TESK2: variants seen among roughly 807,000 people sequenced by gnomAD.
The protein encoded by TESK2 is dual specificity testis-specific protein kinase 2.
In TESK2, 39 loss-of-function variants were observed where a neutral mutation model predicts 57.1. The ratio of observed to expected loss-of-function variants is 0.68; its 90% CI spans 0.53 to 0.89. The LOEUF is 0.89. TESK2 is among the 40% of genes least tolerant of loss of function. The pLI, the probability that TESK2 is intolerant of heterozygous loss-of-function variation, is 0.00. For missense variants in TESK2, 646 were observed against 732.1 expected, an observed-to-expected ratio of 0.88 and a Z score of 1.36; for synonymous variants, 249 against 267.9, an observed-to-expected ratio of 0.93 and a Z score of 0.69.
At chr1:45,478,478 T>C (rs1366233140) in intron 1 of TESK2, among the ~76,000 whole-genome samples, 1 of 152,188 alleles carries the variant, frequency 6.6e-6, no homozygotes, top group Admixed American at 6.5e-5. Context: ...AGTATAATAC[T>C]ACAATATTGA....
chr1:45,357,129 G>A (rs1647459111), intron 4 of TESK2, among the ~76,000 whole-genome samples: 1 of 152,026 alleles, frequency 6.6e-6, no homozygotes. Flanking sequence ...CCGGGAGGCA[G>A]AGGTAGTAGT....
chr1:45,357,113 T>C (rs1054406642), intron 4 of TESK2, among the ~76,000 whole-genome samples: 3 of 151,698 alleles, frequency 2.0e-5, no homozygotes, highest in African/African-American at 7.3e-5. Flanking sequence ...GGAGAATCAC[T>C]TGAACCCGGG....
chr1:45,405,014 A>T (rs1255421657), intron 3 of TESK2, among the ~76,000 whole-genome samples: 2 of 152,174 alleles, frequency 1.3e-5, no homozygotes, highest in Non-Finnish European at 2.9e-5. Flanking sequence ...AATAATAAAA[A>T]ATAGTGACAG....
intron 5 of TESK2, among the ~76,000 whole-genome samples, chr1:45,350,810 T>C (rs1647220028): frequency 6.6e-6 from 1 of 152,228 alleles, no homozygotes; most frequent in African/African-American, 2.4e-5. Flanking sequence ...TGCCCTCTAA[T>C]AGCACAGCAT....
At chr1:45,402,125 C>A (rs1649649315) in intron 3 of TESK2, among the ~76,000 whole-genome samples, 1 of 150,268 alleles carries the variant, frequency 6.7e-6, no homozygotes, top group Non-Finnish European at 1.5e-5. Context: ...CACAGTGACT[C>A]ACACCTGTAA....
At position 45,415,183 on chromosome 1, in the gene TESK2, A is replaced by G. The variant is rs911190901; in HGVS notation, c.344+6542T>C. On this transcript the variant is annotated intron_variant, in intron 3 of 10. Coordinates refer to ENST00000372086, the MANE Select transcript of TESK2 (RefSeq NM_007170.3). Reference sequence around the variant, plus strand: ...TTTGGTTATAAGGGTTCCTGCTTTCACAGAATTATTCCAGGGTTTATGTGT... The same window carrying G: ...TTTGGTTATAAGGGTTCCTGCTTTCGCAGAATTATTCCAGGGTTTATGTGT... The G allele has an allele frequency of 3.9e-6, 6 of 1,519,622 alleles. No individual in the cohort carries two copies. In the African/African-American group the frequency reaches 8.2e-5, roughly 21 times the overall value. 94.1% of individuals were successfully genotyped at this position (1,519,622 alleles called of 1,614,324 possible). A position where few individuals can be genotyped will look rare whatever the true frequency, so the allele number is the denominator to read the frequency against.
chr1:45,354,851 T>TATA (rs2149265010), intron 5 of TESK2, among the ~76,000 whole-genome samples: 1 of 116,132 alleles, frequency 8.6e-6, no homozygotes, highest in African/African-American at 3.3e-5. Flanking sequence ...TATATATATG[T>TATA]TGGCTCACTC....
At chr1:45,378,945 TG>T (rs1648541225) in intron 4 of TESK2, among the ~76,000 whole-genome samples, 1 of 152,222 alleles carries the variant, frequency 6.6e-6, no homozygotes, top group Non-Finnish European at 1.5e-5. Flanking sequence ...TACCATGTGG[TG>T]GTTAACAGCT....
chr1:45,455,912 G>T (rs1025895263), intron 2 of TESK2, among the ~76,000 whole-genome samples: 1 of 152,086 alleles, frequency 6.6e-6, no homozygotes, highest in African/African-American at 2.4e-5. Flanking sequence ...AACAATAGGG[G>T]CTGGGTGTGG....
In TESK2 at chr1:45,440,727, A is replaced by C. The variant is rs551290971; in HGVS notation, c.222+16837T>G. 5.3e-5 allele frequency among the ~76,000 whole-genome samples: 8 copies of C among 151,550 alleles called. No homozygotes were observed. The South Asian group carries it at 1.5e-3, about 28-fold the overall frequency. On this transcript the variant is annotated intron_variant, in intron 2 of 10. Transcript: ENST00000372086. ...CAAGACTCGGTCTCAAAAAAAAAAA[A>C]CAAACAAACAAACAAACAAAATATA...
At chr1:45,402,459 C>A in intron 3 of TESK2, among the ~76,000 whole-genome samples, 1 of 149,448 alleles carries the variant, frequency 6.7e-6, no homozygotes, top group Admixed American at 6.7e-5. Flanking sequence ...ATTGATGAAA[C>A]CTAAATAAAT....
chr1:45,471,799 T>C (rs1176678328), intron 1 of TESK2, among the ~76,000 whole-genome samples: 2 of 151,978 alleles, frequency 1.3e-5, no homozygotes, highest in African/African-American at 4.8e-5. Context: ...ACCATTTTTT[T>C]AGAGATGGGG....
At position 45,486,948 on chromosome 1, in the gene TESK2, A is replaced by G. The variant is rs368235842; in HGVS notation, c.-87+3904T>C. Among the ~76,000 whole-genome samples the G allele has an allele frequency of 5.6e-4, 85 of 150,734 alleles. No individual in the cohort carries two copies. The East Asian group carries it at 0.013, about 24-fold the overall frequency. On this transcript the variant is annotated intron_variant, in intron 1 of 10. Transcript: ENST00000372086. ...AGCGATTCTCCTGCCTCAGCCTCCC[A>G]AGTAGCTGGGATTACATGCATGCAC...
chr1:45,421,591 T>C, intron 3 of TESK2, 134 bp downstream of exon 3: 8 of 1,255,352 alleles, frequency 6.4e-6, no homozygotes, highest in Non-Finnish European at 8.8e-6. Flanking sequence ...CGACCTAGAG[T>C]ACCACTAAAC....
At chr1:45,362,272 AG>A (rs1200670272) in intron 4 of TESK2, among the ~76,000 whole-genome samples, 10 of 152,356 alleles carry the variant, frequency 6.6e-5, no homozygotes, top group Non-Finnish European at 1.3e-4. Context: ...TAAAGAGTAT[AG>A]GTTCTTCCCA....
chr1:45,465,980 TG>T (rs1418687475), intron 1 of TESK2, among the ~76,000 whole-genome samples: 1 of 152,168 alleles, frequency 6.6e-6, no homozygotes, highest in Non-Finnish European at 1.5e-5. Context: ...AAGAAGTTAC[TG>T]AAAAAAAATT....
chr1:45,377,238 AG>A (rs1189411538), intron 4 of TESK2, among the ~76,000 whole-genome samples: 1 of 152,052 alleles, frequency 6.6e-6, no homozygotes, highest in Admixed American at 6.6e-5. Flanking sequence ...AAAAAAAAAA[AG>A]TATTTGTAGG....
At chr1:45,440,935 G>C (rs1404535824) in intron 2 of TESK2, among the ~76,000 whole-genome samples, 1 of 152,132 alleles carries the variant, frequency 6.6e-6, no homozygotes, top group African/African-American at 2.4e-5. Flanking sequence ...GGAACTGAAT[G>C]CTTCCAACAA....
In TESK2 at chr1:45,345,882, G is replaced by C; in HGVS notation, c.992C>G (p.Ala331Gly). The change falls in exon 10 of 11, where the codon GCC becomes GGC. Residue 331 changes from alanine to glycine, a missense_variant. Coordinates refer to ENST00000372086, the MANE Select transcript of TESK2 (RefSeq NM_007170.3). ...TCCCTGGTCTAATCTCTTACCCCTGGCTGTGGGCTGCAGCTTCCTATCCCT... is the reference window on the plus strand; with the variant it reads ...TCCCTGGTCTAATCTCTTACCCCTGCCTGTGGGCTGCAGCTTCCTATCCCT... ...QERDRKLQPT[A>G]RGLLEKAPGV... 3 of 1,613,284 alleles carry C rather than the reference G, an allele frequency of 1.9e-6. No homozygotes were observed. Among genetic ancestry groups the C allele is most frequent in the Non-Finnish European group, 8.5e-7 (1 of 1,179,422 alleles).
Sources: gnomAD v4.1 joint callset for allele counts (sites outside exome capture counted in the v4.1 genomes callset) on GRCh38, gnomAD v4.1.1 for gene constraint, MANE v1.5 for transcripts, NCBI Gene and HGNC (gene_info 2026-07-23, HGNC 2026-07-21) for gene names.